The following CSMD3 variants were observed in gnomAD, a reference collection of about 807,000 sequenced individuals.
CSMD3 encodes the protein CUB and Sushi multiple domains 3.
A neutral mutation model predicts 435.2 loss-of-function variants in CSMD3; 177 were observed. That is an observed-to-expected ratio of 0.41 (90% CI 0.36 to 0.46). CSMD3 has a LOEUF of 0.46. Ranked by LOEUF, CSMD3 falls within the 20% of genes least tolerant of loss-of-function variation. The pLI is 0.34. For synonymous variants in CSMD3, 1,656 were observed against 1,520.5 expected (o/e 1.09, Z -2.07); for missense variants, 4,265 against 4,504.6 (o/e 0.95, Z 1.52).
At chr8:112,303,244 G>A (rs763873030) in intron 52 of CSMD3, among the ~76,000 whole-genome samples, 2 of 152,106 alleles carry the variant, frequency 1.3e-5, no homozygotes, top group Non-Finnish European at 2.9e-5. Flanking sequence ...AAAAAAACTT[G>A]GAGGACTAGT....
chr8:112,506,754 C>T lies in CSMD3; in HGVS notation c.4832G>A (p.Ser1611Asn), dbSNP rs201017969. 75 of 1,613,434 alleles carry T rather than the reference C, an allele frequency of 4.6e-5. 1 individual carries two copies. The highest frequency in any genetic ancestry group is 2.5e-5 in the Non-Finnish European group (29 of 1,179,550). The stretch of plus-strand genomic sequence containing the variant: ...GGTGATAGTCCAGTCACAGTCTCTG[C>T]TATGCGGATATGGATGAGGGAAGTT... ...SPNFPHPYPHSRDCDWTITVN... is the reference protein window; with the variant it reads ...SPNFPHPYPHNRDCDWTITVN... Residue 1611 changes from serine to asparagine, a missense_variant, in exon 29 of 71, where the codon AGC becomes AAC. Physicochemically the swap from Ser to Asn is conservative, Grantham distance 46. Around this residue, in one of 3 missense-constraint regions of CSMD3, gnomAD observed 3,255 missense variants for 3,380.2 expected, o/e 0.96. Transcript: ENST00000297405.
intron 63 of CSMD3, among the ~76,000 whole-genome samples, chr8:112,247,869 A>C (rs148612371): frequency 6.6e-6 from 1 of 152,308 alleles, no homozygotes; most frequent in African/African-American, 2.4e-5. Flanking sequence ...AGTTTGCAAA[A>C]GACTTACAGA....
chr8:113,042,044 T>C (rs2087642508), intron 5 of CSMD3, among the ~76,000 whole-genome samples: 1 of 152,216 alleles, frequency 6.6e-6, no homozygotes, highest in African/African-American at 2.4e-5. Context: ...ATTTCCTCAA[T>C]TTTAATATGT....
intron 67 of CSMD3, among the ~76,000 whole-genome samples, chr8:112,236,217 A>G (rs1813583542): frequency 6.6e-6 from 1 of 151,906 alleles, no homozygotes; most frequent in Non-Finnish European, 1.5e-5. Flanking sequence ...AAATTATTTC[A>G]TTATTAATAT....
At chr8:113,283,021 T>C (rs1238116225) in intron 2 of CSMD3, among the ~76,000 whole-genome samples, 3 of 152,108 alleles carry the variant, frequency 2.0e-5, no homozygotes, top group Non-Finnish European at 2.9e-5. Context: ...CTGAGATAAT[T>C]GGCTAGCCAT....
chr8:112,958,416 C>T (rs917785086), intron 7 of CSMD3, among the ~76,000 whole-genome samples: 3 of 152,114 alleles, frequency 2.0e-5, no homozygotes, highest in Non-Finnish European at 4.4e-5. Context: ...ATCAGGCCAG[C>T]AATCAAATCC....
intron 4 of CSMD3, among the ~76,000 whole-genome samples, chr8:113,137,184 A>G (rs1375432981): frequency 6.6e-6 from 1 of 151,696 alleles, no homozygotes; most frequent in African/African-American, 2.4e-5. Context: ...CAGTTGTAAT[A>G]TCAACAGATA....
intron 3 of CSMD3, among the ~76,000 whole-genome samples, chr8:113,229,672 A>T (rs1363668674): frequency 1.3e-5 from 2 of 151,540 alleles, no homozygotes; most frequent in Non-Finnish European, 3.0e-5. Context: ...TACAAATATA[A>T]TGCTGACATA....
chr8:113,269,764 A>C (rs575121015), intron 3 of CSMD3, among the ~76,000 whole-genome samples: 31 of 152,292 alleles, frequency 2.0e-4, no homozygotes, highest in African/African-American at 7.2e-4. Flanking sequence ...AGCCATATGT[A>C]GAAAGCTGAA....
rs1586755578 is a variant in CSMD3 at position 112,318,847 on chromosome 8, T to C, written c.7350A>G (p.Pro2450=). 1 of 1,608,436 alleles carries C rather than the reference T, an allele frequency of 6.2e-7. No individual in the cohort carries two copies. Among genetic ancestry groups the C allele is most frequent in the Non-Finnish European group, 8.5e-7 (1 of 1,175,758 alleles). Residue 2450 remains proline (P), a synonymous_variant, in exon 47 of 71, where the codon CCA becomes CCG. Coordinates refer to ENST00000297405, the MANE Select transcript of CSMD3 (RefSeq NM_198123.2). ...GGAACCATTGAATACCTTGACAAAC[T>C]GGAGGTGCTCCATCCATCTGCAGTC... The part of the protein sequence containing the change: ...GERLQMDGAP[P]VCQVLCPANE...
chr8:113,050,018 G>C (rs9297487), intron 5 of CSMD3, among the ~76,000 whole-genome samples: 1 of 151,902 alleles, frequency 6.6e-6, no homozygotes, highest in East Asian at 1.9e-4. Context: ...TAAGCAAGTA[G>C]GTACAATCAG....
rs1261375345 is a variant in CSMD3 at position 113,023,228 on chromosome 8, CT to C, written c.918-4050del. Among the ~76,000 whole-genome samples, 17 of 152,020 alleles carry C rather than the reference CT, an allele frequency of 1.1e-4. No individual in the cohort carries two copies. The East Asian group carries it at 3.3e-3, about 29-fold the overall frequency. On this transcript the variant is annotated intron_variant, in intron 5 of 70. Transcript: ENST00000297405. Reference sequence around the variant, plus strand: ...TCATTTTTGATTGCTCTGACATCTACTTTTTAAAAAAATCTTCCCAATTCCC... The same window carrying C: ...TCATTTTTGATTGCTCTGACATCTACTTTTAAAAAAATCTTCCCAATTCCC...
intron 25 of CSMD3, among the ~76,000 whole-genome samples, chr8:112,555,268 G>T (rs1366444579): frequency 6.6e-6 from 1 of 151,866 alleles, no homozygotes. Flanking sequence ...TTTCCAAAAA[G>T]TAGAGAATAT....
rs1357785811 is a variant in CSMD3, at chr8:113,103,933, G to T, written c.710-4970C>A. On this transcript the variant is annotated intron_variant, in intron 4 of 70. Transcript: ENST00000297405. ...TCTCTGTGACAGTTATTTAGATATT[G>T]TAAATGTATGACCTTGTTTTGGCTT... 2.0e-5 allele frequency among the ~76,000 whole-genome samples: 3 copies of T among 151,902 alleles called. No individual in the cohort carries two copies. The East Asian group carries it at 5.8e-4, about 29-fold the overall frequency.
At chr8:112,524,154 GTATCATATCA>G (rs775446102) in intron 27 of CSMD3, among the ~76,000 whole-genome samples, 1 of 151,838 alleles carries the variant, frequency 6.6e-6, no homozygotes, top group South Asian at 2.1e-4. Flanking sequence ...TGTTGGCATT[GTATCATATCA>G]TATCATATCA....
At chr8:112,448,014 C>CCAGGCTGTGTATTAGTTAGCT (rs1815813772) in intron 32 of CSMD3, among the ~76,000 whole-genome samples, 1 of 152,084 alleles carries the variant, frequency 6.6e-6, no homozygotes, top group Non-Finnish European at 1.5e-5. Flanking sequence ...CCATACTAGA[C>CCAGGCTGTGTATTAGTTAGCT]CAGGCTGTGT....
chr8:112,747,183 C>CTTTTTTTTTTTTTTTTTTT (rs71309787), intron 13 of CSMD3, among the ~76,000 whole-genome samples: 1 of 26,952 alleles, frequency 3.7e-5, no homozygotes, highest in Non-Finnish European at 5.8e-5. Context: ...GCACACTTCC[C>CTTTTTTTTTTTTTTTTTTT]TTTTTTTTTT....
intron 3 of CSMD3, among the ~76,000 whole-genome samples, chr8:113,202,625 AAGAACTTGGTAAGCACT>A (rs2092726610): frequency 6.6e-6 from 1 of 152,124 alleles, no homozygotes; most frequent in African/African-American, 2.4e-5. Context: ...TGCATTCTCA[AAGAACTTGGTAAGCACT>A]TATGTCAAGG....
rs576948538 is a variant in CSMD3 at position 113,087,407 on chromosome 8, C to A, written c.917+11349G>T. Among the ~76,000 whole-genome samples, 943 of 152,224 alleles carry A rather than the reference C, an allele frequency of 6.2e-3. 5 individuals are homozygous for A. The highest frequency in any genetic ancestry group is 0.022 in the African/African-American group (900 of 41,518). On this transcript the variant is annotated intron_variant, in intron 5 of 70. Transcript: ENST00000297405. ...AAGAGCCCGCATCACCAAGTCAATC[C>A]TAAGCCAAAAGAACAAAGCTGGAGG...
Sources: allele counts gnomAD v4.1 joint callset (sites outside exome capture counted in the v4.1 genomes callset), GRCh38; gene constraint gnomAD v4.1.1; regional missense constraint gnomAD v4.1.1; transcripts MANE v1.5; gene names NCBI Gene and HGNC (gene_info 2026-07-23, HGNC 2026-07-21).